Variants in ESRRG observed in about 807,000 individuals in gnomAD.
ESRRG encodes the protein estrogen-related receptor gamma.
In ESRRG, 13 loss-of-function variants were observed where a neutral mutation model predicts 44.0. The ratio of observed to expected loss-of-function variants is 0.30; its 90% CI spans 0.19 to 0.47. The LOEUF (loss-of-function observed/expected upper bound fraction) is 0.47, where lower values mean the gene tolerates loss of function less well. Ranked by LOEUF, ESRRG falls within the 20% of genes least tolerant of loss-of-function variation. ESRRG has a pLI of 1.00. For synonymous variants in ESRRG, 215 were observed against 214.6 expected (o/e 1.00, Z -0.02); for missense variants, 395 against 580.6 (o/e 0.68, Z 3.29).
intron 5 of ESRRG, among the ~76,000 whole-genome samples, chr1:216,536,199 A>G (rs1426292600): frequency 6.6e-6 from 1 of 152,014 alleles, no homozygotes; most frequent in Non-Finnish European, 1.5e-5. Context: ...ATACATATCT[A>G]TGGATGTAAC....
chr1:216,900,764 T>G (rs7538877), intron 2 of ESRRG, among the ~76,000 whole-genome samples: 2,278 of 152,268 alleles, frequency 0.015, 78 homozygotes, highest in African/African-American at 0.052. Flanking sequence ...GGCTCACAGG[T>G]AATCATAATA....
intron 1 of ESRRG, among the ~76,000 whole-genome samples, chr1:216,697,931 C>T (rs2080511455): frequency 6.6e-6 from 1 of 152,156 alleles, no homozygotes. Context: ...GCCATGGAAA[C>T]TTCTCTGTGG....
At chr1:217,108,458 T>C (rs557968999) in intron 1 of ESRRG, among the ~76,000 whole-genome samples, 2 of 152,222 alleles carry the variant, frequency 1.3e-5, no homozygotes, top group Admixed American at 6.5e-5. Context: ...GTGATATAGT[T>C]TGGATGCTTG....
chr1:216,513,436 T>C (rs2043296020), intron 6 of ESRRG, among the ~76,000 whole-genome samples: 1 of 152,202 alleles, frequency 6.6e-6, no homozygotes, highest in Non-Finnish European at 1.5e-5. Context: ...ATTTTTCTGC[T>C]TAACCATGGT....
intron 2 of ESRRG, among the ~76,000 whole-genome samples, chr1:216,874,160 G>C (rs1246785317): frequency 1.3e-5 from 2 of 152,064 alleles, no homozygotes; most frequent in Non-Finnish European, 2.9e-5. Flanking sequence ...TCAACTATGA[G>C]ATCAAGTTAG....
At chr1:216,967,488 T>C (rs957525465) in intron 1 of ESRRG, among the ~76,000 whole-genome samples, 2 of 152,206 alleles carry the variant, frequency 1.3e-5, no homozygotes, top group East Asian at 1.9e-4. Flanking sequence ...AATAATATAC[T>C]ATATAGCCTT....
At chr1:217,136,201 G>C (rs1231321679) in intron 1 of ESRRG, among the ~76,000 whole-genome samples, 1 of 152,176 alleles carries the variant, frequency 6.6e-6, no homozygotes, top group Non-Finnish European at 1.5e-5. Context: ...GGGCGATCCG[G>C]AGCCGGGTTT....
At position 216,504,971 on chromosome 1, in the gene ESRRG, T is replaced by G. The variant is rs1391911405; in HGVS notation, c.*1968A>C. 2.6e-5 allele frequency: 4 copies of G among 152,582 alleles called. No homozygotes were observed. The highest frequency in any genetic ancestry group is 4.4e-5 in the Non-Finnish European group (3 of 68,024). 9.5% of individuals were successfully genotyped at this position (152,582 alleles called of 1,614,324 possible). A position where few individuals can be genotyped will look rare whatever the true frequency, so the allele number is the denominator to read the frequency against. On this transcript the variant is annotated 3_prime_UTR_variant, in exon 7 of 7. Coordinates refer to ENST00000408911, the MANE Select transcript of ESRRG (RefSeq NM_001438.4). ...ATTGTCTCTAATTCTACCCTGTGTC[T>G]AAAAGCACACACCACAAGAATCCAA...
At chr1:216,704,514 T>C (rs990027078) in intron 1 of ESRRG, among the ~76,000 whole-genome samples, 1 of 151,880 alleles carries the variant, frequency 6.6e-6, no homozygotes, top group Admixed American at 6.6e-5. Flanking sequence ...CAAAACTCTG[T>C]CTCTCTCCAA....
At chr1:216,595,221 C>G (rs1021478892) in intron 3 of ESRRG, among the ~76,000 whole-genome samples, 1 of 151,710 alleles carries the variant, frequency 6.6e-6, no homozygotes, top group Non-Finnish European at 1.5e-5. Context: ...CTCATTTTTT[C>G]AAAGTTGATA....
intron 1 of ESRRG, among the ~76,000 whole-genome samples, chr1:216,692,128 A>C (rs2079156999): frequency 6.6e-6 from 1 of 152,150 alleles, no homozygotes; most frequent in Admixed American, 6.5e-5. Flanking sequence ...TTTTTTTAAA[A>C]ATTTACTTGT....
chr1:216,840,792 A>T (rs1466732207), intron 2 of ESRRG, among the ~76,000 whole-genome samples: 1 of 152,190 alleles, frequency 6.6e-6, no homozygotes, highest in Non-Finnish European at 1.5e-5. Flanking sequence ...GAGCACTCAG[A>T]ATACATATAA....
intron 1 of ESRRG, among the ~76,000 whole-genome samples, chr1:216,981,591 C>A (rs1477874913): frequency 6.6e-6 from 1 of 152,018 alleles, no homozygotes; most frequent in Non-Finnish European, 1.5e-5. Context: ...ATATAAGAGA[C>A]AACAAATTAT....
intron 1 of ESRRG, among the ~76,000 whole-genome samples, chr1:217,104,889 A>G (rs1457165843): frequency 6.6e-6 from 1 of 152,234 alleles, no homozygotes; most frequent in African/African-American, 2.4e-5. Context: ...TTAGGGATGC[A>G]GCTTCCATTG....
intron 2 of ESRRG, among the ~76,000 whole-genome samples, chr1:216,895,247 G>C (rs759914759): frequency 6.6e-6 from 1 of 152,138 alleles, no homozygotes; most frequent in Non-Finnish European, 1.5e-5. Context: ...CCTTTCATGT[G>C]TGAGGAAAAT....
At chr1:217,059,795 T>C (rs913864236) in intron 1 of ESRRG, among the ~76,000 whole-genome samples, 4 of 152,038 alleles carry the variant, frequency 2.6e-5, no homozygotes, top group Non-Finnish European at 5.9e-5. Flanking sequence ...TCAGAAGAAC[T>C]ATACAGGTCA....
At chr1:216,836,929 C>T (rs1577084890) in intron 2 of ESRRG, among the ~76,000 whole-genome samples, 1 of 152,060 alleles carries the variant, frequency 6.6e-6, no homozygotes, top group South Asian at 2.1e-4. Flanking sequence ...GGCTGCTATA[C>T]ATACATGTGT....
intron 1 of ESRRG, among the ~76,000 whole-genome samples, chr1:217,058,549 T>G (rs932143863): frequency 4.6e-5 from 7 of 152,158 alleles, no homozygotes; most frequent in Non-Finnish European, 7.4e-5. Flanking sequence ...GACGTCTCTA[T>G]GCTCTGACAA....
intron 2 of ESRRG, among the ~76,000 whole-genome samples, chr1:216,915,667 G>A (rs2061071507): frequency 6.6e-6 from 1 of 152,184 alleles, no homozygotes; most frequent in African/African-American, 2.4e-5. Flanking sequence ...CAGATGCACA[G>A]GATGCAAGGC....
Sources: gnomAD v4.1 joint callset for allele counts (sites outside exome capture counted in the v4.1 genomes callset) on GRCh38, gnomAD v4.1.1 for gene constraint, MANE v1.5 for transcripts, NCBI Gene and HGNC (gene_info 2026-07-23, HGNC 2026-07-21) for gene names.